PTPRK: variants seen among roughly 807,000 people sequenced by gnomAD.
PTPRK encodes the protein receptor-type tyrosine-protein phosphatase kappa.
Under a neutral mutation model 178.0 loss-of-function variants are expected in PTPRK, and 75 were observed. The ratio of observed to expected loss-of-function variants is 0.42; its 90% CI spans 0.35 to 0.51. The LOEUF is 0.51. Ranked by LOEUF, PTPRK falls within the 20% of genes least tolerant of loss-of-function variation. The pLI, the probability that PTPRK is intolerant of heterozygous loss-of-function variation, is 0.02. For synonymous variants in PTPRK, 637 were observed against 620.6 expected (o/e 1.03, Z -0.39); for missense variants, 1,441 against 1,797.8 (o/e 0.80, Z 3.59).
At chr6:128,068,035 G>A (rs1025916001) in intron 11 of PTPRK, among the ~76,000 whole-genome samples, 2 of 152,138 alleles carry the variant, frequency 1.3e-5, no homozygotes, top group Non-Finnish European at 2.9e-5. Flanking sequence ...AACAATCACC[G>A]TAGGACTTTC....
intron 1 of PTPRK, among the ~76,000 whole-genome samples, chr6:128,447,850 C>T (rs971153833): frequency 6.6e-6 from 1 of 152,050 alleles, no homozygotes; most frequent in African/African-American, 2.4e-5. Flanking sequence ...TCTCGAACTC[C>T]TGACCTTGTG....
At chr6:128,032,983 A>C (rs1212064769) in intron 13 of PTPRK, among the ~76,000 whole-genome samples, 1 of 152,170 alleles carries the variant, frequency 6.6e-6, no homozygotes, top group Non-Finnish European at 1.5e-5. Flanking sequence ...GCCAGTTCTA[A>C]ATTACGTGAT....
chr6:128,007,922 C>T, intron 14 of PTPRK: 1 of 557,084 alleles, frequency 1.8e-6, no homozygotes. Flanking sequence ...TGCTAAAATA[C>T]TTAAAACTTT....
At chr6:128,236,037 A>T (rs1026095514) in intron 5 of PTPRK, among the ~76,000 whole-genome samples, 5 of 152,066 alleles carry the variant, frequency 3.3e-5, no homozygotes, top group African/African-American at 1.2e-4. Flanking sequence ...ATTAAACTTG[A>T]TCATAGGTAT....
chr6:128,452,690 G>A lies in PTPRK; in HGVS notation c.101-55002C>T, dbSNP rs142404684. Among the ~76,000 whole-genome samples the A allele has an allele frequency of 5.5e-3, 836 of 152,240 alleles. 10 individuals carry two copies. The highest frequency in any genetic ancestry group is 0.02 in the African/African-American group (815 of 41,548). ...TATTCTTTCACTGTCCAACACCAGGGAGGAACTGAAAAATGAAAACAAGCA... is the reference window on the plus strand; with the variant it reads ...TATTCTTTCACTGTCCAACACCAGGAAGGAACTGAAAAATGAAAACAAGCA... On this transcript the variant is annotated intron_variant, in intron 1 of 29. Transcript: ENST00000368226.
intron 1 of PTPRK, among the ~76,000 whole-genome samples, chr6:128,467,648 C>G (rs62425728): frequency 0.13 from 19,800 of 152,256 alleles, 1,657 homozygotes; most frequent in Non-Finnish European, 0.19. Context: ...TTATGTAAAC[C>G]TACTAGTTTC....
intron 1 of PTPRK, among the ~76,000 whole-genome samples, chr6:128,448,316 A>T (rs1305420787): frequency 1.3e-5 from 2 of 152,236 alleles, no homozygotes; most frequent in African/African-American, 4.8e-5. Flanking sequence ...ATTTATAATC[A>T]TTAACTCATC....
At chr6:128,197,440 T>C (rs1805084695) in intron 6 of PTPRK, among the ~76,000 whole-genome samples, 1 of 152,130 alleles carries the variant, frequency 6.6e-6, no homozygotes, top group African/African-American at 2.4e-5. Context: ...AGATGTATCA[T>C]TACTATACAG....
At chr6:128,219,191 T>C (rs1809928179) in intron 5 of PTPRK, 95 bp from the exon 6 acceptor site, 1 of 1,214,012 alleles carries the variant, frequency 8.2e-7, no homozygotes. Context: ...AAATTATTCT[T>C]GTTGCAAAAG....
intron 1 of PTPRK, among the ~76,000 whole-genome samples, chr6:128,470,911 C>CTTT: frequency 7.3e-6 from 1 of 137,658 alleles, no homozygotes; most frequent in Admixed American, 7.3e-5. Context: ...TTCTTTCTTC[C>CTTT]TTTTTTTTTT....
At chr6:128,407,851 TA>T (rs952910501) in intron 1 of PTPRK, among the ~76,000 whole-genome samples, 1 of 152,126 alleles carries the variant, frequency 6.6e-6, no homozygotes, top group Admixed American at 6.5e-5. Flanking sequence ...AAGAAGTTTT[TA>T]AATTTCAAGT....
intron 2 of PTPRK, among the ~76,000 whole-genome samples, chr6:128,331,385 A>G (rs1348560214): frequency 6.6e-6 from 1 of 152,154 alleles, no homozygotes; most frequent in Admixed American, 6.5e-5. Flanking sequence ...AGCCCCTAAC[A>G]GAGGGACTGT....
At chr6:128,485,859 A>G (rs996713546) in intron 1 of PTPRK, among the ~76,000 whole-genome samples, 3 of 152,220 alleles carry the variant, frequency 2.0e-5, no homozygotes, top group Non-Finnish European at 4.4e-5. Context: ...TAATTGTAAA[A>G]CAAAGAAAAA....
chr6:128,454,221 T>A (rs1034188722), intron 1 of PTPRK, among the ~76,000 whole-genome samples: 4 of 152,120 alleles, frequency 2.6e-5, no homozygotes, highest in Non-Finnish European at 4.4e-5. Context: ...TGACCTTGGA[T>A]CTCCCAGCCT....
chr6:128,117,151 T>C (rs943307418), intron 7 of PTPRK, among the ~76,000 whole-genome samples: 3 of 151,380 alleles, frequency 2.0e-5, no homozygotes, highest in African/African-American at 7.3e-5. Flanking sequence ...GTCAAAAAAA[T>C]AAAAAATAAA....
intron 3 of PTPRK, among the ~76,000 whole-genome samples, chr6:128,295,487 G>A (rs1403769173): frequency 6.6e-6 from 1 of 152,050 alleles, no homozygotes; most frequent in Non-Finnish European, 1.5e-5. Flanking sequence ...AGTAGTAAAA[G>A]CAATGATCTA....
chr6:128,417,430 A>G (rs1167212155), intron 1 of PTPRK, among the ~76,000 whole-genome samples: 2 of 152,234 alleles, frequency 1.3e-5, no homozygotes, highest in Admixed American at 6.5e-5. Context: ...AAGTTTATAC[A>G]CCATTTGTAC....
At chr6:128,396,123 T>C (rs950755842) in intron 2 of PTPRK, among the ~76,000 whole-genome samples, 2 of 151,926 alleles carry the variant, frequency 1.3e-5, no homozygotes, top group Admixed American at 6.6e-5. Context: ...CTCTCTTCAA[T>C]AAGCAGAATT....
At chr6:128,262,051 C>A (rs1818255944) in intron 3 of PTPRK, among the ~76,000 whole-genome samples, 1 of 152,182 alleles carries the variant, frequency 6.6e-6, no homozygotes, top group South Asian at 2.1e-4. Flanking sequence ...AATGACAAAA[C>A]TGATCAAGTG....
Sources: allele counts gnomAD v4.1 joint callset (sites outside exome capture counted in the v4.1 genomes callset), GRCh38; gene constraint gnomAD v4.1.1; transcripts MANE v1.5; gene names NCBI Gene and HGNC (gene_info 2026-07-23, HGNC 2026-07-21).